The following CR1L variants were observed in gnomAD, a reference collection of about 807,000 sequenced individuals.
CR1L encodes complement C3b/C4b receptor 1 like, also known as complement component receptor 1-like protein.
A neutral mutation model predicts 62.3 loss-of-function variants in CR1L; 59 were observed. The ratio of observed to expected loss-of-function variants is 0.95; its 90% CI spans 0.77 to 1.18. The LOEUF (loss-of-function observed/expected upper bound fraction) is 1.18. CR1L is among the 50% of genes most tolerant of loss of function. The pLI is 0.00. For synonymous variants in CR1L, 279 were observed against 248.7 expected, an observed-to-expected ratio of 1.12 and a Z score of -1.15; for missense variants, 700 against 702.8, an observed-to-expected ratio of 1.00 and a Z score of 0.04.
At chr1:207,694,238 C>T (rs1664036001) in intron 4 of CR1L, 115 bp from the exon 5 acceptor site, 1 of 1,292,804 alleles carries the variant, frequency 7.7e-7, no homozygotes. Context: ...AAAAATGTAC[C>T]TACGTGTTAG....
chr1:207,710,974 A>G (rs1664349043), intron 10 of CR1L, among the ~76,000 whole-genome samples: 1 of 152,214 alleles, frequency 6.6e-6, no homozygotes, highest in Non-Finnish European at 1.5e-5. Context: ...CATTTTGAAA[A>G]GCAAGACCTT....
chr1:207,683,850 A>G, intron 3 of CR1L, 22 bp from the exon 4 acceptor site: 4 of 1,604,210 alleles, frequency 2.5e-6, no homozygotes, highest in Non-Finnish European at 3.4e-6. Flanking sequence ...AGAATGTAAC[A>G]TTCCTTATTT....
chr1:207,656,183 A>G (rs1663307913), intron 1 of CR1L, among the ~76,000 whole-genome samples: 1 of 152,212 alleles, frequency 6.6e-6, no homozygotes, highest in African/African-American at 2.4e-5. Context: ...GCTTGCAGCG[A>G]GCCGAGATCG....
chr1:207,646,116 CTT>C (rs1030746473), intron 1 of CR1L, among the ~76,000 whole-genome samples: 274 of 133,904 alleles, frequency 2.0e-3, no homozygotes, highest in African/African-American at 7.2e-3. Context: ...TAAGTGGCTG[CTT>C]TTTTGGGGGG....
intron 3 of CR1L, among the ~76,000 whole-genome samples, chr1:207,680,105 T>G (rs1198752623): frequency 6.6e-6 from 1 of 152,208 alleles, no homozygotes; most frequent in Non-Finnish European, 1.5e-5. Flanking sequence ...AACTATGGAC[T>G]TGGGGTGACC....
chr1:207,690,454 T>A (rs1238560702), intron 4 of CR1L, among the ~76,000 whole-genome samples: 1 of 152,220 alleles, frequency 6.6e-6, no homozygotes, highest in African/African-American at 2.4e-5. Flanking sequence ...ATGGATGATT[T>A]TGGTAAAATG....
intron 1 of CR1L, chr1:207,669,494 C>T (rs1558014086): frequency 6.3e-7 from 1 of 1,582,276 alleles, no homozygotes; most frequent in Non-Finnish European, 8.6e-7. Context: ...CAGCCGGCGC[C>T]CGGTCTCCCC....
intron 1 of CR1L, chr1:207,657,376 A>G: frequency 1.4e-6 from 1 of 715,936 alleles, no homozygotes; most frequent in Non-Finnish European, 2.5e-6. Flanking sequence ...AATATTTTGT[A>G]AATAGTTTTA....
intron 11 of CR1L, among the ~76,000 whole-genome samples, chr1:207,717,906 G>T (rs1654040588): frequency 6.6e-6 from 1 of 152,168 alleles, no homozygotes; most frequent in Non-Finnish European, 1.5e-5. Context: ...AGGAGGGTGG[G>T]ATGGTAAGGA....
chr1:207,722,862 TAA>T (rs1161208229), intron 11 of CR1L, among the ~76,000 whole-genome samples: 1 of 152,166 alleles, frequency 6.6e-6, no homozygotes, highest in Non-Finnish European at 1.5e-5. Flanking sequence ...GTGTAAAATA[TAA>T]AATAGTTTAT....
chr1:207,671,244 T>G (rs1370538857), intron 1 of CR1L, among the ~76,000 whole-genome samples: 1 of 150,846 alleles, frequency 6.6e-6, no homozygotes, highest in East Asian at 1.9e-4. Flanking sequence ...AAAACCCTCA[T>G]GCATGTCTGA....
chr1:207,683,002 TTCTTTCTTTTTC>T (rs199805297), intron 3 of CR1L, among the ~76,000 whole-genome samples: 17 of 124,546 alleles, frequency 1.4e-4, no homozygotes, highest in Non-Finnish European at 3.1e-4. Context: ...TTTTCTTTCT[TTCTTTCTTTTTC>T]TTTCTTTCTT....
chr1:207,700,773 A>G (rs549522338), intron 8 of CR1L, among the ~76,000 whole-genome samples: 5 of 152,232 alleles, frequency 3.3e-5, no homozygotes, highest in Admixed American at 2.0e-4. Flanking sequence ...CTTCCTCAGC[A>G]CTGTGTCCCC....
At chr1:207,705,728 C>T (rs550831655) in intron 9 of CR1L, among the ~76,000 whole-genome samples, 34 of 152,170 alleles carry the variant, frequency 2.2e-4, no homozygotes, top group African/African-American at 7.9e-4. Context: ...GTGCGAACCT[C>T]CCTGCGGCAT....
chr1:207,687,284 C>A (rs1663927246), intron 4 of CR1L, among the ~76,000 whole-genome samples: 1 of 152,126 alleles, frequency 6.6e-6, no homozygotes, highest in Admixed American at 6.6e-5. Context: ...ACTGGAAAAG[C>A]CATATAGCCT....
In CR1L at chr1:207,697,373, A is replaced by G. The variant is rs893943347; in HGVS notation, c.863-130A>G. The G allele has an allele frequency of 2.2e-4, 337 of 1,567,022 alleles. 1 individual carries two copies. The highest frequency in any genetic ancestry group is 5.6e-4 in the East Asian group (25 of 44,452). ...GCCCTGTGTATTTAGTTTGTTATCA[A>G]TGTAATAAGGCTGTTATTCTACCTT... On this transcript the variant is annotated intron_variant, in intron 5 of 11. Transcript: ENST00000508064.
At position 207,683,915 on chromosome 1, in the gene CR1L, G is replaced by A. The variant is rs1168542570; in HGVS notation, c.421G>A (p.Gly141Ser). ...GSSSATCIIS[G>S]NTVIWDNKTP... ...CTCGTCTGCCACATGCATCATCTCA[G>A]GCAACACTGTCATTTGGGATAATAA... is the stretch of plus-strand genomic sequence containing the variant. Residue 141 changes from glycine to serine, a missense_variant, in exon 4 of 12, where the codon GGC becomes AGC. Gly to Ser is a moderately conservative substitution (Grantham distance 56). Transcript: ENST00000508064. The A allele has an allele frequency of 1.9e-6, 3 of 1,613,328 alleles. No homozygotes were observed. The highest frequency in any genetic ancestry group is 1.3e-5 in the African/African-American group (1 of 74,872).
chr1:207,647,398 G>A (rs1232629418), intron 1 of CR1L, among the ~76,000 whole-genome samples: 1 of 152,166 alleles, frequency 6.6e-6, no homozygotes, highest in African/African-American at 2.4e-5. Context: ...CCGCTTCAGA[G>A]ACCTTCTTGG....
chr1:207,667,166 AC>A (rs1175765928), intron 1 of CR1L, among the ~76,000 whole-genome samples: 1 of 152,224 alleles, frequency 6.6e-6, no homozygotes, highest in Non-Finnish European at 1.5e-5. Flanking sequence ...TCGCTGCTTA[AC>A]CTTGATGGCG....
Sources: gnomAD v4.1 joint callset for allele counts (sites outside exome capture counted in the v4.1 genomes callset) on GRCh38, gnomAD v4.1.1 for gene constraint, MANE v1.5 for transcripts, NCBI Gene and HGNC (gene_info 2026-07-23, HGNC 2026-07-21) for gene names.